PPP1R14C: variants seen among roughly 807,000 people sequenced by gnomAD.
PPP1R14C encodes the protein protein phosphatase 1 regulatory subunit 14C.
In PPP1R14C, 16 loss-of-function variants were observed where a neutral mutation model predicts 20.4. That is an observed-to-expected ratio of 0.78 (90% CI 0.53 to 1.19). The LOEUF (loss-of-function observed/expected upper bound fraction) is 1.19, where lower values mean the gene tolerates loss of function less well. PPP1R14C is among the 50% of genes most tolerant of loss of function. PPP1R14C has a pLI of 0.00. For synonymous variants in PPP1R14C, 91 were observed against 91.0 expected, an observed-to-expected ratio of 1.00 and a Z score of 0.00; for missense variants, 211 against 220.1, an observed-to-expected ratio of 0.96 and a Z score of 0.26.
intron 1 of PPP1R14C, among the ~76,000 whole-genome samples, chr6:150,144,411 A>C (rs1777159593): frequency 6.6e-6 from 1 of 151,706 alleles, no homozygotes; most frequent in Admixed American, 6.6e-5. Context: ...ACTGAAGCCA[A>C]AATGATCTCT....
chr6:150,168,657 C>A (rs565060695), intron 1 of PPP1R14C, among the ~76,000 whole-genome samples: 1 of 152,130 alleles, frequency 6.6e-6, no homozygotes, highest in African/African-American at 2.4e-5. Context: ...TGGGGAGGAG[C>A]AGGGACAAGT....
chr6:150,189,218 C>G (rs368913871), intron 1 of PPP1R14C, among the ~76,000 whole-genome samples: 3 of 151,958 alleles, frequency 2.0e-5, no homozygotes, highest in Admixed American at 2.0e-4. Flanking sequence ...CTTGTAAGTT[C>G]TTTTTTCTGG....
At chr6:150,236,606 G>T (rs1300010664) in intron 3 of PPP1R14C, among the ~76,000 whole-genome samples, 1 of 107,136 alleles carries the variant, frequency 9.3e-6, no homozygotes, top group Non-Finnish European at 1.8e-5. Context: ...GGAGGTGGTT[G>T]GTGCCACTGT....
chr6:150,191,280 T>C (rs918204886), intron 1 of PPP1R14C, among the ~76,000 whole-genome samples: 1 of 152,218 alleles, frequency 6.6e-6, no homozygotes, highest in Non-Finnish European at 1.5e-5. Flanking sequence ...GTAGCACTTA[T>C]CTCCTGCTAA....
intron 3 of PPP1R14C, among the ~76,000 whole-genome samples, chr6:150,247,186 A>G (rs1309631995): frequency 6.6e-6 from 1 of 152,170 alleles, no homozygotes; most frequent in African/African-American, 2.4e-5. Flanking sequence ...ATAATTGATA[A>G]GGGAGATTGA....
At chr6:150,236,589 A>T (rs1270392015) in intron 3 of PPP1R14C, among the ~76,000 whole-genome samples, 1 of 134,966 alleles carries the variant, frequency 7.4e-6, no homozygotes, top group Non-Finnish European at 1.6e-5. Context: ...AGGAGCTGAA[A>T]GCGGAGGGAG....
chr6:150,216,749 G>T, intron 2 of PPP1R14C, 75 bp from the exon 3 acceptor site: 2 of 997,034 alleles, frequency 2.0e-6, no homozygotes, highest in Non-Finnish European at 3.0e-6. Flanking sequence ...AATATAAAAT[G>T]ATTTTTAATT....
intron 1 of PPP1R14C, among the ~76,000 whole-genome samples, chr6:150,166,086 T>C (rs1271909173): frequency 6.6e-6 from 1 of 151,810 alleles, no homozygotes; most frequent in Non-Finnish European, 1.5e-5. Context: ...TTCTTTTTTT[T>C]TTTTTTGAGA....
At chr6:150,247,217 C>G (rs1582938036) in intron 3 of PPP1R14C, among the ~76,000 whole-genome samples, 1 of 152,214 alleles carries the variant, frequency 6.6e-6, no homozygotes, top group East Asian at 1.9e-4. Flanking sequence ...TCAGATGGCT[C>G]CATGGACAGC....
chr6:150,183,416 G>A (rs908691585), intron 1 of PPP1R14C, among the ~76,000 whole-genome samples: 2 of 152,264 alleles, frequency 1.3e-5, no homozygotes, highest in Non-Finnish European at 2.9e-5. Flanking sequence ...GAAATTCAGT[G>A]TTCAGAAAAA....
At chr6:150,150,937 G>A (rs929323175) in intron 1 of PPP1R14C, among the ~76,000 whole-genome samples, 18 of 151,910 alleles carry the variant, frequency 1.2e-4, no homozygotes, top group African/African-American at 4.1e-4. Flanking sequence ...ATGCCGCTCC[G>A]TCTTTCTCCT....
At chr6:150,212,811 G>A (rs902282376) in intron 1 of PPP1R14C, among the ~76,000 whole-genome samples, 7 of 152,102 alleles carry the variant, frequency 4.6e-5, no homozygotes, top group African/African-American at 1.7e-4. Flanking sequence ...ACATTATTCC[G>A]TATGGTAATA....
intron 1 of PPP1R14C, among the ~76,000 whole-genome samples, chr6:150,179,319 G>C (rs1024327945): frequency 4.0e-5 from 6 of 151,790 alleles, no homozygotes; most frequent in Admixed American, 2.6e-4. Context: ...GGAATACAAG[G>C]GTTCAAGGCT....
chr6:150,146,014 TC>T (rs1228379733), intron 1 of PPP1R14C, among the ~76,000 whole-genome samples: 2 of 152,190 alleles, frequency 1.3e-5, no homozygotes, highest in Non-Finnish European at 2.9e-5. Flanking sequence ...AGAACCACTT[TC>T]TGTCTGTGTT....
chr6:150,190,162 C>G (rs933536726), intron 1 of PPP1R14C, among the ~76,000 whole-genome samples: 1 of 152,130 alleles, frequency 6.6e-6, no homozygotes, highest in African/African-American at 2.4e-5. Context: ...AAAATGCTGT[C>G]TATATACTGG....
intron 2 of PPP1R14C, among the ~76,000 whole-genome samples, chr6:150,215,819 C>A (rs541359091): frequency 6.6e-6 from 1 of 152,138 alleles, no homozygotes; most frequent in Non-Finnish European, 1.5e-5. Flanking sequence ...AGGTGAGGAC[C>A]CAAGCTGGTT....
At chr6:150,161,679 T>G (rs149055638) in intron 1 of PPP1R14C, among the ~76,000 whole-genome samples, 35 of 152,362 alleles carry the variant, frequency 2.3e-4, no homozygotes, top group African/African-American at 7.7e-4. Flanking sequence ...GGAAACAACT[T>G]TATCAACTAG....
intron 1 of PPP1R14C, among the ~76,000 whole-genome samples, chr6:150,198,913 A>C (rs1365336146): frequency 6.6e-6 from 1 of 152,216 alleles, no homozygotes; most frequent in Non-Finnish European, 1.5e-5. Context: ...CAGTAGGGGT[A>C]ACATAGCCAG....
At chr6:150,174,409 G>A (rs1186586167) in intron 1 of PPP1R14C, among the ~76,000 whole-genome samples, 2 of 147,800 alleles carry the variant, frequency 1.4e-5, no homozygotes, top group East Asian at 2.5e-4. Context: ...GTAGAGATGG[G>A]GTTTCACCGT....
Sources: allele counts gnomAD v4.1 joint callset (sites outside exome capture counted in the v4.1 genomes callset), GRCh38; gene constraint gnomAD v4.1.1; transcripts MANE v1.5; gene names NCBI Gene and HGNC (gene_info 2026-07-23, HGNC 2026-07-21).